The following PCDHA8 variants were observed in gnomAD, a reference collection of about 807,000 sequenced individuals.
The protein encoded by PCDHA8 is protocadherin alpha 8, also known as protocadherin alpha-8.
In PCDHA8, 53 loss-of-function variants were observed where a neutral mutation model predicts 61.8. That is an observed-to-expected ratio of 0.86 (90% confidence interval 0.69 to 1.08). PCDHA8 has a LOEUF of 1.08. Among genes scored for constraint, PCDHA8 ranks in the 50% least tolerant of loss-of-function variants. The pLI is 0.00. For missense variants in PCDHA8, 1,293 were observed against 1,245.0 expected, an observed-to-expected ratio of 1.04 and a Z score of -0.58; for synonymous variants, 618 against 556.6, an observed-to-expected ratio of 1.11 and a Z score of -1.55.
intron 1 of PCDHA8, among the ~76,000 whole-genome samples, chr5:140,914,530 C>T (rs1305035760): frequency 1.3e-5 from 2 of 152,096 alleles, no homozygotes; most frequent in African/African-American, 2.4e-5. Flanking sequence ...ATCCATTCAG[C>T]CACTTTATTT....
chr5:140,856,399 T>G (rs782023286), intron 1 of PCDHA8: 1 of 1,598,492 alleles, frequency 6.3e-7, no homozygotes, highest in Non-Finnish European at 8.6e-7. Flanking sequence ...AGGTTTTCCA[T>G]GTGGACGTGG....
chr5:140,886,458 T>G (rs888629917), intron 1 of PCDHA8, among the ~76,000 whole-genome samples: 1 of 152,174 alleles, frequency 6.6e-6, no homozygotes, highest in Non-Finnish European at 1.5e-5. Flanking sequence ...TTGTCATATA[T>G]AAATGTTTTT....
intron 1 of PCDHA8, among the ~76,000 whole-genome samples, chr5:140,945,598 T>C (rs544036785): frequency 1.3e-5 from 2 of 152,116 alleles, no homozygotes; most frequent in South Asian, 2.1e-4. Flanking sequence ...TTCAAAGCTA[T>C]AATAATCAAA....
rs1488505557 is a variant in PCDHA8 at position 140,967,448 on chromosome 5, A to G, written c.2395-11501A>G. The G allele has an allele frequency of 6.8e-6, 11 of 1,613,462 alleles. No individual in the cohort carries two copies. Among genetic ancestry groups the G allele is most frequent in the Non-Finnish European group, 9.3e-6 (11 of 1,179,888 alleles). On this transcript the variant is annotated intron_variant, in intron 1 of 3. Transcript: ENST00000531613. ...GGCAGCCTTGCACCACCTGGTTCTC[A>G]CAGCCGTGGATGGGGGCATCCCAGC...
In PCDHA8 at chr5:140,929,054, C is replaced by T. The variant is rs782514800; in HGVS notation, c.2395-49895C>T. 27 of 1,614,056 alleles carry T rather than the reference C, an allele frequency of 1.7e-5. No individual in the cohort carries two copies. The highest frequency in any genetic ancestry group is 2.1e-5 in the Non-Finnish European group (25 of 1,180,042). ...TGTTGCGCTCAGAGCTGCTGTCGCT[C>T]TACAGAGGATCTGAGGTATGGAAGT... is the stretch of plus-strand genomic sequence containing the variant. On this transcript the variant is annotated intron_variant, in intron 1 of 3. Coordinates refer to ENST00000531613, the MANE Select transcript of PCDHA8 (RefSeq NM_018911.3).
Position 140,858,037 on chromosome 5 carries a change from T to G in PCDHA8, c.2394+14322T>G, listed in dbSNP as rs782428899. On this transcript the variant is annotated intron_variant, in intron 1 of 3. Coordinates refer to ENST00000531613, the MANE Select transcript of PCDHA8 (RefSeq NM_018911.3). The stretch of plus-strand genomic sequence containing the variant: ...AGCCGTCGCTGACGGCCACGGCCAC[T>G]GTGCTTGTGTCGCTTGTGGAGGGCA... 6 of 1,596,390 alleles carry G rather than the reference T, an allele frequency of 3.8e-6. 1 individual carries two copies. The highest frequency in any genetic ancestry group is 5.1e-6 in the Non-Finnish European group (6 of 1,167,344).
intron 1 of PCDHA8, chr5:140,855,916 A>G (rs2043673154): frequency 8.4e-7 from 1 of 1,191,010 alleles, no homozygotes. Flanking sequence ...CTCAAGGACT[A>G]GGAAGTAGCG....
intron 1 of PCDHA8, chr5:140,877,514 G>C: frequency 6.2e-7 from 1 of 1,613,764 alleles, no homozygotes; most frequent in South Asian, 1.1e-5. Context: ...ACGTCGTCGC[G>C]GGCCTCAGTG....
At chr5:140,919,110 C>T (rs1274257448) in intron 1 of PCDHA8, among the ~76,000 whole-genome samples, 3 of 152,118 alleles carry the variant, frequency 2.0e-5, no homozygotes, top group Non-Finnish European at 2.9e-5. Flanking sequence ...TTCATTTCTG[C>T]CAGTTTTTGC....
chr5:140,966,075 T>C (rs1164431515), intron 1 of PCDHA8: 1 of 153,402 alleles, frequency 6.5e-6, no homozygotes, highest in Non-Finnish European at 1.4e-5. Context: ...CCCTGCGTTG[T>C]TTCCTTTTAA....
At chr5:140,856,240 G>A in intron 1 of PCDHA8, 1 of 1,598,050 alleles carries the variant, frequency 6.3e-7, no homozygotes, top group Non-Finnish European at 8.6e-7. Flanking sequence ...GCCTGTTCCG[G>A]GTGGCGTCCA....
At chr5:140,935,732 A>G (rs933243274) in intron 1 of PCDHA8, among the ~76,000 whole-genome samples, 3 of 152,212 alleles carry the variant, frequency 2.0e-5, no homozygotes, top group African/African-American at 4.8e-5. Flanking sequence ...GAAGTCTAGT[A>G]TCTATTATTC....
chr5:140,884,168 A>G (rs1562800814), intron 1 of PCDHA8: 1 of 1,613,300 alleles, frequency 6.2e-7, no homozygotes, highest in South Asian at 1.1e-5. Context: ...GATCAGCACG[A>G]CGCGCCCTCT....
intron 1 of PCDHA8, chr5:140,870,040 A>C: frequency 6.2e-7 from 1 of 1,613,768 alleles, no homozygotes; most frequent in Non-Finnish European, 8.5e-7. Context: ...TGAAGAAAAC[A>C]AGTTTTATAA....
intron 1 of PCDHA8, 146 bp from the exon 2 acceptor site, chr5:140,978,803 C>A: frequency 2.0e-6 from 3 of 1,485,240 alleles, no homozygotes; most frequent in Middle Eastern, 1.8e-4. Context: ...ATGTAGATAT[C>A]ATCATAGAGT....
intron 1 of PCDHA8, among the ~76,000 whole-genome samples, chr5:140,932,539 AT>A (rs782246299): frequency 3.3e-5 from 5 of 152,008 alleles, no homozygotes; most frequent in Admixed American, 2.0e-4. Context: ...AAGGTGCTTT[AT>A]TTAACATACA....
Position 140,918,290 on chromosome 5 carries a change from C to A in PCDHA8, c.2395-60659C>A, listed in dbSNP as rs188994807. ...TTTATCAGATGTAGGAGCTTTTTGG[C>A]AGAGAATATAGGGTTTTCTAGGTAT... On this transcript the variant is annotated intron_variant, in intron 1 of 3. Transcript: ENST00000531613. Among the ~76,000 whole-genome samples the A allele has an allele frequency of 2.1e-3, 321 of 152,226 alleles. 1 individual carries two copies. Among genetic ancestry groups the A allele is most frequent in the African/African-American group, 7.5e-3 (313 of 41,534 alleles).
chr5:140,964,585 T>C (rs1275209289), intron 1 of PCDHA8, among the ~76,000 whole-genome samples: 1 of 151,992 alleles, frequency 6.6e-6, no homozygotes, highest in Non-Finnish European at 1.5e-5. Flanking sequence ...GGAGGAAAGA[T>C]CACTTTTCAT....
At chr5:140,976,424 G>A (rs2096715736) in intron 1 of PCDHA8, among the ~76,000 whole-genome samples, 1 of 152,114 alleles carries the variant, frequency 6.6e-6, no homozygotes, top group Non-Finnish European at 1.5e-5. Flanking sequence ...GGTGGCAGAT[G>A]CCTGTAATCC....
Sources: gnomAD v4.1 joint callset for allele counts (sites outside exome capture counted in the v4.1 genomes callset) on GRCh38, gnomAD v4.1.1 for gene constraint, MANE v1.5 for transcripts, NCBI Gene and HGNC (gene_info 2026-07-23, HGNC 2026-07-21) for gene names.